The following ZNF573 variants were observed in gnomAD, a reference collection of about 807,000 sequenced individuals.
ZNF573 encodes zinc finger protein 573.
ZNF573 carries 41 observed loss-of-function variants against 57.4 expected under a neutral mutation model. The observed-to-expected ratio is 0.71, with a 90% CI of 0.56 to 0.93. ZNF573 has a LOEUF of 0.93. Among genes scored for constraint, ZNF573 ranks in the 40% least tolerant of loss-of-function variants. The pLI, the probability that ZNF573 is intolerant of heterozygous loss-of-function variation, is 0.00. For synonymous variants in ZNF573, 249 were observed against 261.0 expected (o/e 0.95, Z 0.44); for missense variants, 730 against 794.8 (o/e 0.92, Z 0.98).
intron 4 of ZNF573, among the ~76,000 whole-genome samples, chr19:37,756,970 T>C (rs767219486): frequency 6.6e-6 from 1 of 151,760 alleles, no homozygotes; most frequent in Non-Finnish European, 1.5e-5. Context: ...GGGAAAACTT[T>C]TAAAAACACA....
intron 4 of ZNF573, chr19:37,740,467 C>T (rs2045317196): frequency 2.1e-6 from 1 of 470,900 alleles, no homozygotes; most frequent in Non-Finnish European, 4.0e-6. Flanking sequence ...TTGGCACCGT[C>T]AAAGACCAAG....
intron 4 of ZNF573, among the ~76,000 whole-genome samples, chr19:37,761,055 G>A (rs1000208358): frequency 2.6e-5 from 4 of 151,758 alleles, no homozygotes; most frequent in Non-Finnish European, 5.9e-5. Context: ...AAAATTAGCT[G>A]GGGGTGGTGG....
chr19:37,739,245 T>C lies in ZNF573; in HGVS notation c.1245A>G (p.Glu415=). Residue 415 remains glutamate (E), a synonymous_variant, in exon 5 of 5, where the codon GAA becomes GAG. Coordinates refer to ENST00000536220, the MANE Select transcript of ZNF573 (RefSeq NM_001172690.2). ...TAAAGGCCTTTCCGCATTCCTTGCATTCATAGGGTTTCTCGCCAGTATGAG... is the reference window on the plus strand; with the variant it reads ...TAAAGGCCTTTCCGCATTCCTTGCACTCATAGGGTTTCTCGCCAGTATGAG... The part of the protein sequence containing the change: ...QKTHTGEKPY[E]CKECGKAFSL... 6.2e-7 allele frequency: 1 copy of C among 1,614,108 alleles called. No homozygotes were observed.
At chr19:37,771,227 G>A (rs1259325698) in intron 3 of ZNF573, among the ~76,000 whole-genome samples, 1 of 151,624 alleles carries the variant, frequency 6.6e-6, no homozygotes, top group Non-Finnish European at 1.5e-5. Flanking sequence ...CTGGAAATAT[G>A]CACAATGGGA....
intron 4 of ZNF573, among the ~76,000 whole-genome samples, chr19:37,749,576 A>T (rs1046605120): frequency 8.5e-5 from 13 of 152,312 alleles, no homozygotes; most frequent in African/African-American, 3.1e-4. Flanking sequence ...TATTCATCAC[A>T]AGAAGCTGGA....
intron 4 of ZNF573, among the ~76,000 whole-genome samples, chr19:37,743,436 G>A (rs1001663189): frequency 6.6e-6 from 1 of 152,028 alleles, no homozygotes; most frequent in East Asian, 1.9e-4. Flanking sequence ...AAACCACAAT[G>A]AGATACCATC....
chr19:37,754,636 GA>G (rs1315059162), intron 4 of ZNF573, among the ~76,000 whole-genome samples: 2 of 141,996 alleles, frequency 1.4e-5, no homozygotes, highest in South Asian at 4.6e-4. Flanking sequence ...TTGCATTCCA[GA>G]AAAAAAATCC....
At chr19:37,759,390 T>G (rs1337906867) in intron 4 of ZNF573, among the ~76,000 whole-genome samples, 1 of 152,124 alleles carries the variant, frequency 6.6e-6, no homozygotes, top group African/African-American at 2.4e-5. Flanking sequence ...AGATTTAGTT[T>G]TAAGGGTTTT....
chr19:37,741,839 G>A (rs980869308), intron 4 of ZNF573, among the ~76,000 whole-genome samples: 1 of 152,166 alleles, frequency 6.6e-6, no homozygotes, highest in Admixed American at 6.5e-5. Flanking sequence ...AATCAGGCAA[G>A]AGAAAGAAAT....
intron 4 of ZNF573, among the ~76,000 whole-genome samples, chr19:37,743,759 C>A (rs1166313136): frequency 1.3e-5 from 2 of 152,238 alleles, no homozygotes; most frequent in African/African-American, 2.4e-5. Flanking sequence ...CAATGATAGA[C>A]TGGATAAAGA....
At chr19:37,745,799 TATAA>T (rs935173647) in intron 4 of ZNF573, among the ~76,000 whole-genome samples, 2 of 152,260 alleles carry the variant, frequency 1.3e-5, no homozygotes, top group African/African-American at 4.8e-5. Context: ...TTATAAGGGT[TATAA>T]ATAATTCTGT....
chr19:37,768,666 T>C (rs2045623650), intron 4 of ZNF573, among the ~76,000 whole-genome samples: 1 of 152,080 alleles, frequency 6.6e-6, no homozygotes, highest in Admixed American at 6.6e-5. Context: ...TTTTATTTTA[T>C]TTATTTATTT....
intron 2 of ZNF573, chr19:37,772,949 T>C: frequency 1.0e-6 from 1 of 985,370 alleles, no homozygotes; most frequent in Non-Finnish European, 1.2e-6. Context: ...TTCATATACT[T>C]TGTTGGACAG....
intron 4 of ZNF573, among the ~76,000 whole-genome samples, chr19:37,766,068 A>G (rs2045599436): frequency 1.3e-5 from 2 of 152,144 alleles, no homozygotes; most frequent in Non-Finnish European, 2.9e-5. Flanking sequence ...GAAAAGACCA[A>G]ATATTGATCA....
intron 4 of ZNF573, among the ~76,000 whole-genome samples, chr19:37,768,681 T>A (rs1376940343): frequency 6.6e-6 from 1 of 152,068 alleles, no homozygotes; most frequent in African/African-American, 2.4e-5. Context: ...TTATTTATTT[T>A]TTGAGATGGA....
chr19:37,740,196 T>C lies in ZNF573; in HGVS notation c.296-2A>G. Reference sequence around the variant, plus strand: ...TTATCTCACACTGTAAATCCAAATCTGAAACAAAAGAGGACAACAAAAAAA... The same window carrying C: ...TTATCTCACACTGTAAATCCAAATCCGAAACAAAAGAGGACAACAAAAAAA... On this transcript the variant is annotated splice_acceptor_variant, in intron 4 of 4. Transcript: ENST00000536220. LOFTEE classifies it high-confidence loss of function. 1 of 1,547,052 alleles carries C rather than the reference T, an allele frequency of 6.5e-7. No homozygotes were observed. The highest frequency in any genetic ancestry group is 1.2e-5 in the South Asian group (1 of 80,332).
intron 4 of ZNF573, among the ~76,000 whole-genome samples, chr19:37,759,328 G>C (rs2045528242): frequency 6.6e-6 from 1 of 152,064 alleles, no homozygotes; most frequent in African/African-American, 2.4e-5. Context: ...TAATTGACCT[G>C]AAGTTTAACT....
intron 4 of ZNF573, among the ~76,000 whole-genome samples, chr19:37,769,552 C>T (rs1032871222): frequency 6.6e-6 from 1 of 151,170 alleles, no homozygotes; most frequent in Admixed American, 6.6e-5. Context: ...ATGGTGAAAC[C>T]GTGTCTCTAC....
intron 4 of ZNF573, among the ~76,000 whole-genome samples, chr19:37,761,562 T>C (rs1370659281): frequency 2.0e-5 from 3 of 152,096 alleles, no homozygotes; most frequent in African/African-American, 7.2e-5. Context: ...AAACTGGCCA[T>C]AAAAAATTCC....
Sources: allele counts gnomAD v4.1 joint callset (sites outside exome capture counted in the v4.1 genomes callset), GRCh38; gene constraint gnomAD v4.1.1; transcripts MANE v1.5; gene names NCBI Gene and HGNC (gene_info 2026-07-23, HGNC 2026-07-21).